The following TTN variants were observed in gnomAD, a reference collection of about 807,000 sequenced individuals.
The protein encoded by TTN is titin.
TTN carries 1,525 observed loss-of-function variants against 3,223.0 expected under a neutral mutation model. That is an observed-to-expected ratio of 0.47 (90% CI 0.45 to 0.49). The LOEUF is 0.49. TTN is among the 20% of genes least tolerant of loss of function. The pLI, the probability that TTN is intolerant of heterozygous loss-of-function variation, is 0.00. For missense variants in TTN, 40,786 were observed against 43,424.0 expected (o/e 0.94, Z 5.40); for synonymous variants, 14,094 against 15,161.0 (o/e 0.93, Z 5.17).
chr2:178,537,772 C>CGGCTT lies in TTN; in HGVS notation c.99434_99435insAAGCC (p.Lys33146SerfsTer17). 1 of 1,613,706 alleles carries CGGCTT rather than the reference C, an allele frequency of 6.2e-7. No homozygotes were observed. The highest frequency in any genetic ancestry group is 1.1e-5 in the South Asian group (1 of 91,070). On this transcript the variant is annotated frameshift_variant, in exon 355 of 363. Coordinates refer to ENST00000589042, the MANE Select transcript of TTN (RefSeq NM_001267550.2). LOFTEE classifies it high-confidence loss of function. ...GTCCATCTGAAGACATTTTGTATTT[C>CGGCTT]CGGCTTTGTATGAGCTCTTTACCAA... is the stretch of plus-strand genomic sequence containing the variant.
intron 349 of TTN, chr2:178,541,891 T>TC (rs1356627744): frequency 1.3e-5 from 3 of 222,478 alleles, no homozygotes; most frequent in African/African-American, 6.8e-5. Flanking sequence ...CTCATTTTCT[T>TC]CAATTCTACA....
chr2:178,643,357 A>G (rs1351918844), intron 218 of TTN, among the ~76,000 whole-genome samples: 2 of 152,002 alleles, frequency 1.3e-5, no homozygotes, highest in Non-Finnish European at 2.9e-5. Flanking sequence ...CGTTTTGAAT[A>G]ATCATTTTTT....
Position 178,583,880 on chromosome 2 carries a change from C to A in TTN, c.65302G>T (p.Asp21768Tyr). The change falls in exon 312 of 363, where the codon GAT (aspartate) becomes TAT (tyrosine). Residue 21768 changes from aspartate to tyrosine, a missense_variant. Transcript: ENST00000589042. ...VDPPGKPEVIDVTKSTVSLIW... is the reference protein window; with the variant it reads ...VDPPGKPEVIYVTKSTVSLIW... ...AGAGATACAGTACTCTTGGTGACAT[C>A]AATAACCTCAGGTTTCCCAGGAGGA... 6.3e-7 allele frequency: 1 copy of A among 1,591,030 alleles called. No homozygotes were observed. The highest frequency in any genetic ancestry group is 8.6e-7 in the Non-Finnish European group (1 of 1,165,562).
chr2:178,619,539 G>C, intron 250 of TTN, 82 bp downstream of exon 250: 15 of 1,539,096 alleles, frequency 9.7e-6, no homozygotes, highest in Non-Finnish European at 1.3e-5. Flanking sequence ...ACCCTCACAA[G>C]GATTACCTCA....
Position 178,548,668 on chromosome 2 carries a change from G to A in TTN, c.92958C>T (p.Cys30986=). The change falls in exon 339 of 363, where the codon TGC becomes TGT. Residue 30986 remains cysteine, a synonymous_variant. Coordinates refer to ENST00000589042, the MANE Select transcript of TTN (RefSeq NM_001267550.2). The surrounding 1 kb of genome is among the most constrained non-coding windows in gnomAD (Gnocchi z 4.3). ...DSFSTLTVEN[C]NRNDAGKYTL... Reference sequence around the variant, plus strand: ...TATATTTCCCTGCATCATTTCTGTTGCAGTTTTCCACAGTGAGGGTGCTGA... The same window carrying A: ...TATATTTCCCTGCATCATTTCTGTTACAGTTTTCCACAGTGAGGGTGCTGA... The A allele has an allele frequency of 6.2e-7, 1 of 1,613,864 alleles. No individual in the cohort carries two copies. Among genetic ancestry groups the A allele is most frequent in the Non-Finnish European group, 8.5e-7 (1 of 1,179,790 alleles).
chr2:178,536,666 A>C, intron 356 of TTN, 91 bp from the exon 357 acceptor site: 3 of 1,149,362 alleles, frequency 2.6e-6, no homozygotes, highest in Non-Finnish European at 3.5e-6. Flanking sequence ...ATATGAGTCC[A>C]AAATTTTGTT....
intron 47 of TTN, chr2:178,751,951 C>T (rs778600537): frequency 6.3e-7 from 1 of 1,588,136 alleles, no homozygotes; most frequent in African/African-American, 1.4e-5. Flanking sequence ...TTTTAGCAGC[C>T]ATGGATTTGT....
At position 178,681,037 on chromosome 2, in the gene TTN, G is replaced by C. The variant is rs542438587; in HGVS notation, c.33340+42C>G. The C allele has an allele frequency of 3.5e-6, 5 of 1,444,856 alleles. No homozygotes were observed. The South Asian group carries it at 5.2e-5, about 15-fold the overall frequency. 89.5% of individuals were successfully genotyped at this position (1,444,856 alleles called of 1,614,324 possible). A position where few individuals can be genotyped will look rare whatever the true frequency, so the allele number is the denominator to read the frequency against. On this transcript the variant is annotated intron_variant, in intron 138 of 362. Coordinates refer to ENST00000589042, the MANE Select transcript of TTN (RefSeq NM_001267550.2). ...TCATAGTTACATTAATTTCAAAAGA[G>C]GCATCAGAAAAGATCACAATCGAGG...
At chr2:178,709,453 T>C (rs1261334629) in intron 99 of TTN, 113 bp downstream of exon 99, 9 of 1,055,934 alleles carry the variant, frequency 8.5e-6, no homozygotes, top group Admixed American at 3.0e-5. Flanking sequence ...TTAAATAATG[T>C]GTATTTATAT....
intron 6 of TTN, among the ~76,000 whole-genome samples, chr2:178,797,509 A>C (rs1403441594): frequency 1.3e-5 from 2 of 151,700 alleles, no homozygotes; most frequent in African/African-American, 4.8e-5. Context: ...TAGTGCATTT[A>C]TTGGTTATTT....
In TTN at chr2:178,728,139, T is replaced by A; in HGVS notation, c.19685A>T (p.Asp6562Val). The change falls in exon 67 of 363, where the codon GAT becomes GTT. Residue 6562 changes from aspartate to valine, a missense_variant. Coordinates refer to ENST00000589042, the MANE Select transcript of TTN (RefSeq NM_001267550.2). ...TCKVSNVAGDDACSGILTVKE... is the reference protein window; with the variant it reads ...TCKVSNVAGDVACSGILTVKE... ...CACAGTTAAGATGCCACTGCATGCA[T>A]CATCTCCTGCTACATTTGACACTTT... The A allele has an allele frequency of 1.9e-6, 3 of 1,600,130 alleles. No homozygotes were observed. In the South Asian group the frequency reaches 3.4e-5, roughly 18 times the overall value.
intron 236 of TTN, among the ~76,000 whole-genome samples, chr2:178,631,699 T>C (rs72650086): frequency 1.3e-5 from 2 of 152,098 alleles, no homozygotes; most frequent in Admixed American, 6.6e-5. Context: ...TTGCCTTTAA[T>C]CATGTCTATA....
At position 178,698,930 on chromosome 2, in the gene TTN, A is replaced by AG; in HGVS notation, c.30683-17_30683-16insC. On this transcript the variant is annotated splice_polypyrimidine_tract_variant and intron_variant, in intron 111 of 362. Coordinates refer to ENST00000589042, the MANE Select transcript of TTN (RefSeq NM_001267550.2). Reference sequence around the variant, plus strand: ...TTTTTGGTAACTAAAAAAAAAAAAAAAGAAAAAAAAAGAAAAAATATTTCT... The same window carrying AG: ...TTTTTGGTAACTAAAAAAAAAAAAAAGAGAAAAAAAAAGAAAAAATATTTCT... The AG allele has an allele frequency of 6.7e-7, 1 of 1,483,668 alleles. No individual in the cohort carries two copies. Among genetic ancestry groups the AG allele is most frequent in the Non-Finnish European group, 8.9e-7 (1 of 1,123,662 alleles). The allele number at this position is 1,483,668 out of a possible 1,614,324, so 91.9% of individuals were successfully genotyped here.
At position 178,720,991 on chromosome 2, in the gene TTN, G is replaced by C. The variant is rs199907920; in HGVS notation, c.23028C>G (p.Ser7676Arg). 4.3e-6 allele frequency: 7 copies of C among 1,611,494 alleles called. No homozygotes were observed. The highest frequency in any genetic ancestry group is 5.1e-6 in the Non-Finnish European group (6 of 1,177,934). The change falls in exon 79 of 363, where the codon AGC (serine) becomes AGG (arginine). Residue 7676 changes from serine (S) to arginine (R), a missense_variant. By Grantham distance (110) the Ser-to-Arg change is moderately radical. Coordinates refer to ENST00000589042, the MANE Select transcript of TTN (RefSeq NM_001267550.2). Reference sequence around the variant, plus strand: ...TATGAGCCTCACAAATGTAGTCCCCGCTGTCTTCAGCACTAGCTTCATTGA... The same window carrying C: ...TATGAGCCTCACAAATGTAGTCCCCCCTGTCTTCAGCACTAGCTTCATTGA... ...LTINEASAEDSGDYICEAHNG... is the reference protein window; with the variant it reads ...LTINEASAEDRGDYICEAHNG...
rs1159421980 is a variant in TTN, at chr2:178,800,513, T to C, written c.465A>G (p.Glu155=). Residue 155 remains glutamate (E), a synonymous_variant, in exon 4 of 363, where the codon GAA becomes GAG. Transcript: ENST00000589042. ...CAATCAGTAAGCTGTAGAGGTCGCC[T>C]TCTTGTGAAATTTGGAAATCAAGGG... ...QSSLDFQISQ[E]GDLYSLLIAE... is the part of the protein sequence containing the mutation. The C allele has an allele frequency of 6.2e-7, 1 of 1,614,038 alleles. No individual in the cohort carries two copies. Among genetic ancestry groups the C allele is most frequent in the African/African-American group, 1.3e-5 (1 of 74,928 alleles).
chr2:178,791,233 T>C (rs2093473383), intron 10 of TTN, among the ~76,000 whole-genome samples: 1 of 152,170 alleles, frequency 6.6e-6, no homozygotes, highest in African/African-American at 2.4e-5. Flanking sequence ...TTCTTGCTGC[T>C]TTCAAAATGT....
Position 178,706,732 on chromosome 2 carries a change from A to G in TTN, c.29142T>C (p.Thr9714=), listed in dbSNP as rs773838077. 8.1e-6 allele frequency: 13 copies of G among 1,608,388 alleles called. No individual in the cohort carries two copies. The Admixed American group carries it at 1.7e-4, about 21-fold the overall frequency. Residue 9714 remains threonine, a synonymous_variant, in exon 102 of 363, where the codon ACT becomes ACC. Transcript: ENST00000589042. The part of the protein sequence containing the change: ...PQSIRVVEKT[T]ATFIAKVGGD... Reference sequence around the variant, plus strand: ...CTCCAACTTTTGCAATGAAGGTCGCAGTGGTTTCTAAGGAATAATGAAAAC... The same window carrying G: ...CTCCAACTTTTGCAATGAAGGTCGCGGTGGTTTCTAAGGAATAATGAAAAC...
At chr2:178,698,770 C>T in intron 112 of TTN, 73 bp downstream of exon 112, 1 of 1,386,464 alleles carries the variant, frequency 7.2e-7, no homozygotes, top group Non-Finnish European at 9.8e-7. Flanking sequence ...TTCCTTCACC[C>T]TCCACTGTTT....
chr2:178,747,720 G>A, intron 47 of TTN: 1 of 1,611,912 alleles, frequency 6.2e-7, no homozygotes, highest in Non-Finnish European at 8.5e-7. Context: ...TCAGTGGTAT[G>A]TGCCTCATCT....
Sources: gnomAD v4.1 joint callset for allele counts (sites outside exome capture counted in the v4.1 genomes callset) on GRCh38, gnomAD v4.1.1 for gene constraint, Gnocchi (gnomAD v3.1) non-coding constraint, MANE v1.5 for transcripts, NCBI Gene and HGNC (gene_info 2026-07-23, HGNC 2026-07-21) for gene names.